Variants in PLCB3 observed in about 807,000 individuals in gnomAD.
PLCB3 encodes the protein 1-phosphatidylinositol 4,5-bisphosphate phosphodiesterase beta-3.
A neutral mutation model predicts 152.1 loss-of-function variants in PLCB3; 54 were observed. That is an observed-to-expected ratio of 0.36 (90% CI 0.29 to 0.45). The LOEUF is 0.45. PLCB3 is among the 20% of genes least tolerant of loss of function. PLCB3 has a pLI of 1.00. For missense variants in PLCB3, 1,248 were observed against 1,687.5 expected (o/e 0.74, Z 4.56); for synonymous variants, 717 against 698.7 (o/e 1.03, Z -0.41).
chr11:64,261,176 G>A (rs2031828784), intron 14 of PLCB3, among the ~76,000 whole-genome samples: 1 of 151,912 alleles, frequency 6.6e-6, no homozygotes, highest in African/African-American at 2.4e-5. Context: ...AAGGTGGCGG[G>A]CGCCTGTAAT....
At chr11:64,264,258 C>A (rs557100621) in intron 22 of PLCB3, 146 bp downstream of exon 22, 2 of 534,540 alleles carry the variant, frequency 3.7e-6, no homozygotes, top group Non-Finnish European at 6.4e-6. Flanking sequence ...ATGAAAACCA[C>A]CCATTTGCAT....
chr11:64,262,902 T>C, intron 19 of PLCB3, 94 bp downstream of exon 19: 1 of 1,330,386 alleles, frequency 7.5e-7, no homozygotes, highest in South Asian at 1.3e-5. Flanking sequence ...GGCACACCGT[T>C]GGCGACTGGG....
chr11:64,254,517 C>T (rs367801636), intron 2 of PLCB3, 25 bp downstream of exon 2: 14 of 1,607,120 alleles, frequency 8.7e-6, no homozygotes, highest in South Asian at 4.4e-5. Context: ...TGGTGCAGCT[C>T]GCTCAGGCCA....
At position 64,251,737 on chromosome 11, in the gene PLCB3, A is replaced by G. The variant is rs1170974546; in HGVS notation, c.88A>G (p.Lys30Glu). 1.4e-6 allele frequency: 2 copies of G among 1,465,330 alleles called. No homozygotes were observed. The highest frequency in any genetic ancestry group is 1.8e-6 in the Non-Finnish European group (2 of 1,102,650). The allele number at this position is 1,465,330 out of a possible 1,614,324, so 90.8% of individuals were successfully genotyped here. A position where few individuals can be genotyped will look rare whatever the true frequency, so the allele number is the denominator to read the frequency against. Residue 30 changes from lysine to glutamate, a missense_variant, in exon 1 of 31, where the codon AAA becomes GAA. By Grantham distance (56) the Lys-to-Glu change is moderately conservative (BLOSUM62 1). Transcript: ENST00000279230. ...ETLRRGSKFI[K>E]WDEETSSRNL... ...CCTGCGGCGCGGGAGTAAGTTCATC[A>G]AATGGGACGAGGTAAGCGCGCGGGC... is the stretch of plus-strand genomic sequence containing the variant.
rs1370765639 is a variant in PLCB3, at chr11:64,266,870, G to A, written c.3415-315G>A. Among the ~76,000 whole-genome samples, 1 of 152,102 alleles carries A rather than the reference G, an allele frequency of 6.6e-6. No homozygotes were observed. Among genetic ancestry groups the A allele is most frequent in the Non-Finnish European group, 1.5e-5 (1 of 68,022 alleles). ...GCTGGAGTGCAGTGGCGCGATCTTG[G>A]CTCACTGCAACCTCTTGGGTTCAAG... On this transcript the variant is annotated intron_variant, in intron 29 of 30. Coordinates refer to ENST00000279230, the MANE Select transcript of PLCB3 (RefSeq NM_000932.5). This position sits in a 1 kb window ranked among gnomAD's most constrained non-coding sequence, Gnocchi z 4.9.
At chr11:64,253,759 A>G (rs2031361235) in intron 1 of PLCB3, among the ~76,000 whole-genome samples, 1 of 152,110 alleles carries the variant, frequency 6.6e-6, no homozygotes, top group Non-Finnish European at 1.5e-5. Context: ...CGGCTGTTTG[A>G]GGGAGGAAGA....
In PLCB3 at chr11:64,258,051, G is replaced by A. The variant is rs2135048619; in HGVS notation, c.1013-422G>A. On this transcript the variant is annotated intron_variant, in intron 10 of 30. Coordinates refer to ENST00000279230, the MANE Select transcript of PLCB3 (RefSeq NM_000932.5). The surrounding 1 kb of genome is among the most constrained non-coding windows in gnomAD (Gnocchi z 7.2). ...CAACTGTAATCCCAGCTACTCGGGA[G>A]GCTGAGGCAGGAGAATCGCTTGAAC... Among the ~76,000 whole-genome samples, 2 of 152,038 alleles carry A rather than the reference G, an allele frequency of 1.3e-5. No homozygotes were observed. The highest frequency in any genetic ancestry group is 1.9e-4 in the East Asian group (1 of 5,186).
intron 10 of PLCB3, among the ~76,000 whole-genome samples, chr11:64,257,016 T>TTTTTTGTTTTTTTTTTTTTTTTTTTTC (rs2031574155): frequency 8.3e-6 from 1 of 120,590 alleles, no homozygotes; most frequent in Non-Finnish European, 1.8e-5. Flanking sequence ...TTTTTTTTTT[T>TTTTTTGTTTTTTTTTTTTTTTTTTTTC]TTTTTGAGAC....
In PLCB3 at chr11:64,266,109, G is replaced by C. The variant is rs898209269; in HGVS notation, c.3190-17G>C. The stretch of plus-strand genomic sequence containing the variant: ...GTCGTCAGCCCGGCATCACCTGTCA[G>C]CTCCCTGTGTCCACAGGCTCTGCAG... On this transcript the variant is annotated splice_polypyrimidine_tract_variant and intron_variant, in intron 26 of 30. Coordinates refer to ENST00000279230, the MANE Select transcript of PLCB3 (RefSeq NM_000932.5). The surrounding 1 kb of genome is among the most constrained non-coding windows in gnomAD (Gnocchi z 4.9). The C allele has an allele frequency of 6.2e-7, 1 of 1,613,990 alleles. No homozygotes were observed. Among genetic ancestry groups the C allele is most frequent in the Admixed American group, 1.7e-5 (1 of 60,016 alleles).
chr11:64,264,264 T>TGCATTCAGGAG, intron 22 of PLCB3, 152 bp downstream of exon 22: 1 of 531,908 alleles, frequency 1.9e-6, no homozygotes, highest in Non-Finnish European at 3.3e-6. Context: ...ACCACCCATT[T>TGCATTCAGGAG]GCATTCAGGA....
Position 64,265,998 on chromosome 11 carries a change from G to C in PLCB3, c.3148G>C (p.Val1050Leu). Reference protein sequence around the residue: ...QSLLELREAQVDAEAQRRLEH... With the variant: ...QSLLELREAQLDAEAQRRLEH... ...CCTGCTGGAGCTGCGGGAGGCCCAGGTGGACGCAGAGGCCCAGCGGAGGCT... is the reference window on the plus strand; with the variant it reads ...CCTGCTGGAGCTGCGGGAGGCCCAGCTGGACGCAGAGGCCCAGCGGAGGCT... Residue 1050 changes from valine to leucine, a missense_variant, in exon 26 of 31, where the codon GTG becomes CTG. This residue lies in a region of PLCB3 where 477 missense variants were observed against 489.6 expected (regional missense o/e 0.97). Coordinates refer to ENST00000279230, the MANE Select transcript of PLCB3 (RefSeq NM_000932.5). The C allele has an allele frequency of 6.2e-7, 1 of 1,614,100 alleles. No individual in the cohort carries two copies. Among genetic ancestry groups the C allele is most frequent in the Non-Finnish European group, 8.5e-7 (1 of 1,180,008 alleles).
chr11:64,253,753 T>C (rs2031360897), intron 1 of PLCB3, among the ~76,000 whole-genome samples: 4 of 152,222 alleles, frequency 2.6e-5, no homozygotes, highest in Middle Eastern at 6.8e-3. Flanking sequence ...GCTGCACGGC[T>C]GTTTGAGGGA....
intron 1 of PLCB3, among the ~76,000 whole-genome samples, chr11:64,253,863 C>T (rs1038435574): frequency 6.3e-4 from 96 of 152,272 alleles, no homozygotes; most frequent in Admixed American, 6.3e-3. Flanking sequence ...GTGAGGACCC[C>T]GGCAGATGTG....
At chr11:64,259,884 G>T in intron 13 of PLCB3, 145 bp from the exon 14 acceptor site, 1 of 676,102 alleles carries the variant, frequency 1.5e-6, no homozygotes, top group Non-Finnish European at 2.5e-6. Context: ...TCGACCTCTT[G>T]GCCTCTCCCC....
intron 15 of PLCB3, 40 bp downstream of exon 15, chr11:64,261,536 C>T (rs1474540086): frequency 6.2e-7 from 1 of 1,608,810 alleles, no homozygotes; most frequent in Non-Finnish European, 8.5e-7. Context: ...GCTTGCCCAG[C>T]TCAGCCCTGC....
At position 64,255,509 on chromosome 11, in the gene PLCB3, C is replaced by A. The variant is rs1431728249; in HGVS notation, c.522-32C>A. On this transcript the variant is annotated intron_variant, in intron 6 of 30. Coordinates refer to ENST00000279230, the MANE Select transcript of PLCB3 (RefSeq NM_000932.5). This position sits in a 1 kb window ranked among gnomAD's most constrained non-coding sequence, Gnocchi z 6.8. Reference sequence around the variant, plus strand: ...CCTGACCTTGGTGACCTTTGTCCTCCACTGACCCTGAACCCCTCCTGCCCG... The same window carrying A: ...CCTGACCTTGGTGACCTTTGTCCTCAACTGACCCTGAACCCCTCCTGCCCG... The A allele has an allele frequency of 6.2e-7, 1 of 1,613,844 alleles. No individual in the cohort carries two copies. The highest frequency in any genetic ancestry group is 1.7e-5 in the Admixed American group (1 of 60,004).
At chr11:64,263,871 G>A in intron 21 of PLCB3, 76 bp downstream of exon 21, 1 of 1,329,112 alleles carries the variant, frequency 7.5e-7, no homozygotes, top group Admixed American at 1.7e-5. Context: ...CCTGGGAGTG[G>A]CCGAGCTGGA....
In PLCB3 at chr11:64,265,206, C is replaced by G; in HGVS notation, c.2821C>G (p.Leu941Val). ...SLSSPGQRDD[L>V]IASILSEVAP... ...CTGCTCCCCAGGGCAGCGTGATGAT[C>G]TCATCGCCAGCATCCTCTCAGGTAG... Residue 941 changes from leucine to valine, a missense_variant, in exon 24 of 31, where the codon CTC (leucine) becomes GTC (valine). Around this residue, in one of 6 missense-constraint regions of PLCB3, gnomAD observed 477 missense variants for 489.6 expected, o/e 0.97. Transcript: ENST00000279230. 3.1e-6 allele frequency: 5 copies of G among 1,599,612 alleles called. No homozygotes were observed. Among genetic ancestry groups the G allele is most frequent in the Non-Finnish European group, 4.3e-6 (5 of 1,172,560 alleles).
At chr11:64,264,580 C>T (rs894462834) in intron 22 of PLCB3, among the ~76,000 whole-genome samples, 2 of 151,964 alleles carry the variant, frequency 1.3e-5, no homozygotes, top group African/African-American at 4.8e-5. Context: ...GTTGAGTCCT[C>T]TGTTGATTTA....
Sources: gnomAD v4.1 joint callset for allele counts (sites outside exome capture counted in the v4.1 genomes callset) on GRCh38, gnomAD v4.1.1 for gene constraint, gnomAD v4.1.1 regional missense constraint, Gnocchi (gnomAD v3.1) non-coding constraint, MANE v1.5 for transcripts, NCBI Gene and HGNC (gene_info 2026-07-23, HGNC 2026-07-21) for gene names.